Variants in SLC6A15 observed in about 807,000 individuals in gnomAD.
The protein encoded by SLC6A15 is solute carrier family 6 member 15.
SLC6A15 carries 33 observed loss-of-function variants against 68.5 expected under a neutral mutation model. That is an observed-to-expected ratio of 0.48 (90% CI 0.37 to 0.64). The LOEUF (loss-of-function observed/expected upper bound fraction) is 0.64. SLC6A15 is among the 30% of genes least tolerant of loss of function. SLC6A15 has a pLI of 0.00. For missense variants in SLC6A15, 747 were observed against 874.3 expected, an observed-to-expected ratio of 0.85 and a Z score of 1.84; for synonymous variants, 347 against 301.0, an observed-to-expected ratio of 1.15 and a Z score of -1.58.
rs988047879 is a variant in SLC6A15, at chr12:84,888,051, C to T, written c.290-1983G>A. ...GACCAGCTTGGGCAACATGGTGAGACGCCCCCCGTCTCTACTAAAAAAATA... is the reference window on the plus strand; with the variant it reads ...GACCAGCTTGGGCAACATGGTGAGATGCCCCCCGTCTCTACTAAAAAAATA... On this transcript the variant is annotated intron_variant, in intron 2 of 11. Transcript: ENST00000266682. 4.6e-5 allele frequency among the ~76,000 whole-genome samples: 7 copies of T among 151,060 alleles called. No homozygotes were observed. The East Asian group carries it at 5.9e-4, about 13-fold the overall frequency.
chr12:84,863,793 G>C (rs1038077062), intron 10 of SLC6A15, among the ~76,000 whole-genome samples, 192 bp from the exon 11 acceptor site: 7 of 151,806 alleles, frequency 4.6e-5, no homozygotes, highest in Admixed American at 1.3e-4. Context: ...TTTTTATTTA[G>C]GGAAAGCTCT....
chr12:84,864,693 C>T (rs1379923993), intron 10 of SLC6A15, among the ~76,000 whole-genome samples: 4 of 152,070 alleles, frequency 2.6e-5, no homozygotes, highest in African/African-American at 9.7e-5. Context: ...AGGACATCTT[C>T]AATGTAAGAA....
At chr12:84,891,783 C>A (rs937063008) in intron 2 of SLC6A15, 49 bp downstream of exon 2, 5 of 1,511,586 alleles carry the variant, frequency 3.3e-6, no homozygotes, top group African/African-American at 2.8e-5. Context: ...ATTTGAGAAA[C>A]CCAATTGCAA....
intron 1 of SLC6A15, among the ~76,000 whole-genome samples, chr12:84,905,597 C>T (rs2120734961): frequency 6.6e-6 from 1 of 152,194 alleles, no homozygotes; most frequent in South Asian, 2.1e-4. Context: ...CCTTAGTGTC[C>T]AAGGGACATT....
chr12:84,886,306 G>A (rs183832617), intron 2 of SLC6A15, among the ~76,000 whole-genome samples: 169 of 152,030 alleles, frequency 1.1e-3, no homozygotes, highest in African/African-American at 3.6e-3. Context: ...TTAATGAATA[G>A]CTTTAGCTTA....
intron 1 of SLC6A15, among the ~76,000 whole-genome samples, chr12:84,906,687 T>C (rs893499475): frequency 1.3e-5 from 2 of 152,130 alleles, no homozygotes; most frequent in African/African-American, 4.8e-5. Context: ...GAGAAAAAAA[T>C]AGCTCTTTCA....
chr12:84,872,965 G>A, intron 7 of SLC6A15, 122 bp downstream of exon 7: 1 of 1,288,850 alleles, frequency 7.8e-7, no homozygotes, highest in South Asian at 1.5e-5. Flanking sequence ...ATTATACATT[G>A]TATGTTTGTG....
intron 1 of SLC6A15, among the ~76,000 whole-genome samples, chr12:84,894,703 T>C (rs1257613730): frequency 6.6e-6 from 1 of 152,110 alleles, no homozygotes; most frequent in East Asian, 1.9e-4. Flanking sequence ...CTACTGCATG[T>C]TTTTTACACA....
At chr12:84,865,919 G>A (rs1217900264) in intron 10 of SLC6A15, among the ~76,000 whole-genome samples, 1 of 152,092 alleles carries the variant, frequency 6.6e-6, no homozygotes, top group African/African-American at 2.4e-5. Flanking sequence ...TTTTAAGTGG[G>A]CATAAGTTTT....
chr12:84,900,754 A>G (rs546618085), intron 1 of SLC6A15, among the ~76,000 whole-genome samples: 138 of 151,648 alleles, frequency 9.1e-4, no homozygotes, highest in African/African-American at 3.1e-3. Flanking sequence ...TTGCTTTTCT[A>G]TCTTAAAACA....
rs77155490 is a variant in SLC6A15 at position 84,868,174 on chromosome 12, T to C, written c.1496-981A>G. On this transcript the variant is annotated intron_variant, in intron 9 of 11. Transcript: ENST00000266682. Reference sequence around the variant, plus strand: ...GAAATTACCTCCATCTCTTAAGTACTATACTAGTGCTGTGAGTTACATCTT... The same window carrying C: ...GAAATTACCTCCATCTCTTAAGTACCATACTAGTGCTGTGAGTTACATCTT... Among the ~76,000 whole-genome samples the C allele has an allele frequency of 2.8e-3, 431 of 152,324 alleles. 4 individuals are homozygous for C. Among genetic ancestry groups the C allele is most frequent in the African/African-American group, 9.9e-3 (410 of 41,584 alleles).
At chr12:84,873,011 C>A in intron 7 of SLC6A15, 76 bp downstream of exon 7, 3 of 1,480,184 alleles carry the variant, frequency 2.0e-6, no homozygotes, top group East Asian at 2.4e-5. Context: ...ATATGTATAG[C>A]TATCATGTAT....
intron 8 of SLC6A15, among the ~76,000 whole-genome samples, chr12:84,871,191 A>AT (rs1871271050): frequency 6.6e-6 from 1 of 151,698 alleles, no homozygotes; most frequent in East Asian, 1.9e-4. Flanking sequence ...TTAAGAGAAA[A>AT]CTGCAAATGC....
Position 84,863,521 on chromosome 12 carries a change from AGAG to A in SLC6A15, c.1733_1735del (p.Pro578del), listed in dbSNP as rs1870938537. The stretch of plus-strand genomic sequence containing the variant: ...AGCTATTAGCAATGATAATAGCATT[AGAG>A]GAGAAATATATTTCCACATATAGTA... On this transcript the variant is annotated inframe_deletion, in exon 11 of 12. Coordinates refer to ENST00000266682, the MANE Select transcript of SLC6A15 (RefSeq NM_182767.6). 6.3e-7 allele frequency: 1 copy of A among 1,596,274 alleles called. No homozygotes were observed.
At chr12:84,893,029 A>G (rs370411017) in intron 1 of SLC6A15, among the ~76,000 whole-genome samples, 31 of 152,270 alleles carry the variant, frequency 2.0e-4, no homozygotes, top group African/African-American at 7.5e-4. Flanking sequence ...TTCTGGGTTC[A>G]AGGGATCCCG....
chr12:84,909,848 T>A (rs2120752633), intron 1 of SLC6A15, among the ~76,000 whole-genome samples: 1 of 152,262 alleles, frequency 6.6e-6, no homozygotes. Flanking sequence ...ATCCCAGAGT[T>A]AAAAAGAATG....
At chr12:84,894,273 T>A (rs1872542186) in intron 1 of SLC6A15, among the ~76,000 whole-genome samples, 1 of 152,160 alleles carries the variant, frequency 6.6e-6, no homozygotes, top group Non-Finnish European at 1.5e-5. Context: ...AGAAAAAAGA[T>A]TTACATTTAT....
intron 2 of SLC6A15, among the ~76,000 whole-genome samples, chr12:84,888,424 C>T (rs1872223607): frequency 1.3e-5 from 2 of 152,100 alleles, no homozygotes; most frequent in Admixed American, 6.5e-5. Context: ...CAGAATACTA[C>T]TCAGCCATAA....
intron 2 of SLC6A15, among the ~76,000 whole-genome samples, chr12:84,887,073 C>T (rs969602987): frequency 6.6e-6 from 1 of 152,072 alleles, no homozygotes. Context: ...CTGTGGAGGT[C>T]GTTCCTACAT....
Sources: allele counts gnomAD v4.1 joint callset (sites outside exome capture counted in the v4.1 genomes callset), GRCh38; gene constraint gnomAD v4.1.1; transcripts MANE v1.5; gene names NCBI Gene and HGNC (gene_info 2026-07-23, HGNC 2026-07-21).